DNAH5: variants seen among roughly 807,000 people sequenced by gnomAD.
DNAH5 encodes axonemal beta dynein heavy chain 5.
Under a neutral mutation model 518.2 loss-of-function variants are expected in DNAH5, and 372 were observed. That is an observed-to-expected ratio of 0.72 (90% CI 0.66 to 0.78). The LOEUF (loss-of-function observed/expected upper bound fraction) is 0.78. DNAH5 is among the 30% of genes least tolerant of loss of function. DNAH5 has a pLI of 0.00. For synonymous variants in DNAH5, 2,039 were observed against 2,025.9 expected (o/e 1.01, Z -0.17); for missense variants, 5,523 against 5,687.0 (o/e 0.97, Z 0.93).
intron 50 of DNAH5, among the ~76,000 whole-genome samples, chr5:13,790,798 C>A (rs1306806446): frequency 1.3e-5 from 2 of 152,156 alleles, no homozygotes; most frequent in Non-Finnish European, 2.9e-5. Flanking sequence ...CAGTCTCCAG[C>A]AGTTTTTATA....
In DNAH5 at chr5:13,870,918, T is replaced by A. The variant is rs751848182; in HGVS notation, c.3683A>T (p.Glu1228Val). 3.7e-6 allele frequency: 6 copies of A among 1,613,902 alleles called. No homozygotes were observed. In the Admixed American group the frequency reaches 1.0e-4, roughly 27 times the overall value. The change falls in exon 24 of 79, where the codon GAG becomes GTG. Residue 1228 changes from glutamate to valine, a missense_variant. Glu to Val is a moderately radical substitution (Grantham distance 121). This residue lies in a region of DNAH5 where 5,121 missense variants were observed against 5,223.3 expected (regional missense o/e 0.98). Coordinates refer to ENST00000265104, the MANE Select transcript of DNAH5 (RefSeq NM_001369.3). ...GRHCNKKYRS[E>V]MENIFMLIEE... ...AATAAGCATAAAAATGTTTTCCATC[T>A]CACTCCGGTATTTTTTGTTACAGTG...
In DNAH5 at chr5:13,793,522, C is replaced by T. The variant is rs375287005; in HGVS notation, c.8217G>A (p.Lys2739=). The T allele has an allele frequency of 2.0e-5, 33 of 1,612,566 alleles. No homozygotes were observed. The Middle Eastern group carries it at 4.9e-4, about 24-fold the overall frequency. Residue 2739 remains lysine (K), a synonymous_variant, in exon 49 of 79, where the codon AAG becomes AAA. Coordinates refer to ENST00000265104, the MANE Select transcript of DNAH5 (RefSeq NM_001369.3). ...CATCCTCTTGATCTTTACCAAAGAT[C>T]TTGTCCACAGAAGCTTCAGAGGGCA... ...CTLPSEASVD[K]IFGVIGVGHY... is the part of the protein sequence containing the mutation.
chr5:13,891,936 C>T (rs190956225), intron 16 of DNAH5, among the ~76,000 whole-genome samples: 22 of 152,276 alleles, frequency 1.4e-4, no homozygotes, highest in Admixed American at 2.6e-4. Flanking sequence ...CATTTTTCAA[C>T]AGATACCATA....
chr5:13,979,076 C>G (rs747634498), intron 1 of DNAH5, among the ~76,000 whole-genome samples: 1 of 152,228 alleles, frequency 6.6e-6, no homozygotes, highest in East Asian at 1.9e-4. Flanking sequence ...TTCCTTCCCC[C>G]TGCTGGTCTC....
At chr5:13,713,462 T>TAC (rs1181393642) in intron 75 of DNAH5, among the ~76,000 whole-genome samples, 3 of 125,842 alleles carry the variant, frequency 2.4e-5, no homozygotes, top group African/African-American at 1.1e-4. Context: ...TATATATATA[T>TAC]ATATACACAC....
intron 1 of DNAH5, among the ~76,000 whole-genome samples, chr5:13,979,210 T>C (rs1304270957): frequency 6.6e-6 from 1 of 152,126 alleles, no homozygotes; most frequent in Non-Finnish European, 1.5e-5. Flanking sequence ...AGCCTACATG[T>C]CCAGCAAGTC....
chr5:13,859,039 A>C (rs1900162), intron 30 of DNAH5, among the ~76,000 whole-genome samples: 56,771 of 151,520 alleles, frequency 0.37, 10,866 homozygotes, highest in South Asian at 0.47. Context: ...TTTACTGTAC[A>C]GATATAATTG....
At chr5:13,979,274 T>C (rs1291362216) in intron 1 of DNAH5, among the ~76,000 whole-genome samples, 2 of 152,134 alleles carry the variant, frequency 1.3e-5, no homozygotes, top group Non-Finnish European at 2.9e-5. Flanking sequence ...TTATTCAAAA[T>C]TTCAATTCCC....
intron 1 of DNAH5, among the ~76,000 whole-genome samples, chr5:13,939,637 G>A (rs1779277699): frequency 6.6e-6 from 1 of 152,040 alleles, no homozygotes; most frequent in South Asian, 2.1e-4. Context: ...GCTCTGTGAT[G>A]CTTCCCAGCC....
In DNAH5 at chr5:13,865,890, A is replaced by G. The variant is rs536502106; in HGVS notation, c.4133T>C (p.Ile1378Thr). 16 of 1,596,708 alleles carry G rather than the reference A, an allele frequency of 1.0e-5. No homozygotes were observed. In the African/African-American group the frequency reaches 2.1e-4, roughly 21 times the overall value. Residue 1378 changes from isoleucine (I) to threonine (T), a missense_variant, in exon 27 of 79, where the codon ATC becomes ACC. Physicochemically the swap from Ile to Thr is moderately conservative, Grantham distance 89. Coordinates refer to ENST00000265104, the MANE Select transcript of DNAH5 (RefSeq NM_001369.3). Reference sequence around the variant, plus strand: ...AGTATATGTGATGTATTTCCGATAGATATTATCAAATTGATTCTAATAAAA... The same window carrying G: ...AGTATATGTGATGTATTTCCGATAGGTATTATCAAATTGATTCTAATAAAA... ...LIMFQNQFDN[I>T]YRKYITYTGG...
intron 72 of DNAH5, 64 bp downstream of exon 72, chr5:13,718,818 T>A (rs1579894063): frequency 7.2e-7 from 1 of 1,382,450 alleles, no homozygotes; most frequent in Non-Finnish European, 1.0e-6. Flanking sequence ...CCTTTTATAA[T>A]TTTTTTAGGA....
Position 13,953,459 on chromosome 5 carries a change from T to C in DNAH5, c.13-22215A>G, listed in dbSNP as rs1051061570. On this transcript the variant is annotated intron_variant, in intron 1 of 78. Transcript: ENST00000681290. ...GTAGCCCCTGGGTGGGTTCAAACAT[T>C]CAAATGAAATGGCACAATTAACTAC... is the stretch of plus-strand genomic sequence containing the variant. Among the ~76,000 whole-genome samples, 8 of 152,090 alleles carry C rather than the reference T, an allele frequency of 5.3e-5. No individual in the cohort carries two copies. The South Asian group carries it at 1.7e-3, about 32-fold the overall frequency.
At chr5:13,715,376 G>C (rs1744152270) in intron 74 of DNAH5, among the ~76,000 whole-genome samples, 1 of 152,010 alleles carries the variant, frequency 6.6e-6, no homozygotes, top group Non-Finnish European at 1.5e-5. Context: ...CTGTGAGATG[G>C]GGTATATATA....
At chr5:13,945,094 T>A (rs2152029841), upstream of DNAH5, among the ~76,000 whole-genome samples, 1 of 152,346 alleles carries the variant, frequency 6.6e-6, no homozygotes, top group Admixed American at 6.5e-5. Flanking sequence ...CATATGCAAA[T>A]AGCAAACCAT....
At position 13,913,994 on chromosome 5, in the gene DNAH5, C is replaced by T. The variant is rs372347347; in HGVS notation, c.1321-36G>A. On this transcript the variant is annotated intron_variant, in intron 10 of 78. Coordinates refer to ENST00000265104, the MANE Select transcript of DNAH5 (RefSeq NM_001369.3). ...AAAGAAAAATATACAACAAAGGGAACAAGAAAGGTATCAACTTTATTTTCT... is the reference window on the plus strand; with the variant it reads ...AAAGAAAAATATACAACAAAGGGAATAAGAAAGGTATCAACTTTATTTTCT... 3 of 1,603,754 alleles carry T rather than the reference C, an allele frequency of 1.9e-6. No homozygotes were observed. The East Asian group carries it at 6.7e-5, about 36-fold the overall frequency.
chr5:13,844,909 C>G lies in DNAH5; in HGVS notation c.5199G>C (p.Ser1733=). Reference sequence around the variant, plus strand: ...AATGGGCCTGTATAGTGTGGGAGTCCGACGCCTGCCCCAGAATCTCTAGAA... The same window carrying G: ...AATGGGCCTGTATAGTGTGGGAGTCGGACGCCTGCCCCAGAATCTCTAGAA... ...PALLEILGQA[S]DSHTIQAHLL... The change falls in exon 32 of 79, where the codon TCG becomes TCC. Residue 1733 remains serine, a synonymous_variant. Coordinates refer to ENST00000265104, the MANE Select transcript of DNAH5 (RefSeq NM_001369.3). 6.2e-7 allele frequency: 1 copy of G among 1,614,078 alleles called. No homozygotes were observed. Among genetic ancestry groups the G allele is most frequent in the Non-Finnish European group, 8.5e-7 (1 of 1,180,020 alleles).
intron 68 of DNAH5, among the ~76,000 whole-genome samples, chr5:13,733,820 C>T (rs1746955251): frequency 6.6e-6 from 1 of 152,094 alleles, no homozygotes; most frequent in African/African-American, 2.4e-5. Context: ...CATTCCTTCC[C>T]TACTGTTCCC....
intron 1 of DNAH5, among the ~76,000 whole-genome samples, chr5:13,971,107 T>TA (rs1781833642): frequency 6.6e-6 from 1 of 152,208 alleles, no homozygotes; most frequent in South Asian, 2.1e-4. Flanking sequence ...TGCATTCCTC[T>TA]AACTGTGTCC....
At chr5:13,764,542 G>C (rs553483422) in intron 59 of DNAH5, among the ~76,000 whole-genome samples, 2 of 152,276 alleles carry the variant, frequency 1.3e-5, no homozygotes, top group African/African-American at 4.8e-5. Flanking sequence ...AAACTCATCA[G>C]AGTAGCTAAA....
Sources: allele counts gnomAD v4.1 joint callset (sites outside exome capture counted in the v4.1 genomes callset), GRCh38; gene constraint gnomAD v4.1.1; regional missense constraint gnomAD v4.1.1; transcripts MANE v1.5; gene names NCBI Gene and HGNC (gene_info 2026-07-23, HGNC 2026-07-21).